XNDC1N: variants seen among roughly 807,000 people sequenced by gnomAD.
XNDC1N encodes protein XNDC1N.
the XNDC1N span, among the ~76,000 whole-genome samples, chr11:71,872,743 G>A: frequency 2.0e-5 from 3 of 152,182 alleles, no homozygotes; most frequent in East Asian, 5.8e-4. Context: ...AACAAAAAAA[G>A]AAATAGGAAT....
At chr11:71,916,500 TA>T in the XNDC1N span, 1 of 466,770 alleles carries the variant, frequency 2.1e-6, no homozygotes, top group South Asian at 3.0e-5. Flanking sequence ...AGTTCCACAC[TA>T]TTCTCAGCAT....
At chr11:71,901,413 A>G in the XNDC1N span, among the ~76,000 whole-genome samples, 3 of 152,002 alleles carry the variant, frequency 2.0e-5, no homozygotes, top group Admixed American at 6.5e-5. Flanking sequence ...CCTGGCCCAC[A>G]TGGTGAAACC....
the XNDC1N span, chr11:71,893,321 G>T: frequency 1.8e-6 from 1 of 541,736 alleles, no homozygotes; most frequent in South Asian, 2.1e-5. Flanking sequence ...TTTTGGAATT[G>T]TCACAACTGA....
chr11:71,928,204 G>C, the XNDC1N span, among the ~76,000 whole-genome samples: 1 of 152,206 alleles, frequency 6.6e-6, no homozygotes, highest in Non-Finnish European at 1.5e-5. Flanking sequence ...GGGTGCCCTG[G>C]AGGTCCCGCA....
the XNDC1N span, among the ~76,000 whole-genome samples, chr11:71,924,583 CAGG>C: frequency 2.0e-5 from 3 of 151,962 alleles, no homozygotes; most frequent in African/African-American, 7.3e-5. Flanking sequence ...GAGGCTGAGG[CAGG>C]AGAATGGCGT....
the XNDC1N span, among the ~76,000 whole-genome samples, chr11:71,907,361 G>A: frequency 6.6e-6 from 1 of 151,640 alleles, no homozygotes; most frequent in Non-Finnish European, 1.5e-5. Flanking sequence ...CGCCCCCCGC[G>A]ATGCGGGGAG....
chr11:71,919,515 G>A, the XNDC1N span, among the ~76,000 whole-genome samples: 2 of 151,700 alleles, frequency 1.3e-5, no homozygotes, highest in East Asian at 1.9e-4. Flanking sequence ...AGCCTCCTGA[G>A]TAGCTGGGAT....
the XNDC1N span, among the ~76,000 whole-genome samples, chr11:71,892,560 T>C: frequency 8.6e-3 from 1,306 of 152,038 alleles, 12 homozygotes; most frequent in African/African-American, 0.03. Context: ...TCAGGAGCAG[T>C]ATCTCCCTAG....
At chr11:71,917,438 C>T in the XNDC1N span, 3 of 639,346 alleles carry the variant, frequency 4.7e-6, no homozygotes, top group African/African-American at 1.8e-5. Flanking sequence ...ATCCTCACCA[C>T]ACAAATCTCA....
chr11:71,868,373 T>C, the XNDC1N span, among the ~76,000 whole-genome samples: 1 of 152,232 alleles, frequency 6.6e-6, no homozygotes, highest in African/African-American at 2.4e-5. Flanking sequence ...TGCTCTATAG[T>C]GTCAATATCT....
At chr11:71,895,694 G>A in the XNDC1N span, among the ~76,000 whole-genome samples, 1 of 152,120 alleles carries the variant, frequency 6.6e-6, no homozygotes, top group Non-Finnish European at 1.5e-5. Flanking sequence ...TTGCTGCTTT[G>A]TTATACACTT....
At chr11:71,914,072 T>C in the XNDC1N span, among the ~76,000 whole-genome samples, 3 of 152,362 alleles carry the variant, frequency 2.0e-5, no homozygotes, top group East Asian at 3.9e-4. Context: ...AATGTTGTTT[T>C]CATGCCTACG....
At chr11:71,919,929 C>CTTCTTTTTT in the XNDC1N span, among the ~76,000 whole-genome samples, 36 of 26,630 alleles carry the variant, frequency 1.4e-3, 1 homozygote, top group East Asian at 5.0e-3. Flanking sequence ...AAGCAGGCCT[C>CTTCTTTTTT]TTTTTTTTTT....
At chr11:71,916,912 A>G in the XNDC1N span, 1 of 157,086 alleles carries the variant, frequency 6.4e-6, no homozygotes, top group Non-Finnish European at 1.4e-5. Flanking sequence ...TTCAGTAAAC[A>G]TTATATGCTA....
At chr11:71,892,750 A>T in the XNDC1N span, among the ~76,000 whole-genome samples, 3 of 151,886 alleles carry the variant, frequency 2.0e-5, no homozygotes, top group African/African-American at 7.3e-5. Flanking sequence ...GGAACTCCTG[A>T]CCTCAGGTGA....
chr11:71,919,535 C>G, the XNDC1N span, among the ~76,000 whole-genome samples: 1 of 151,882 alleles, frequency 6.6e-6, no homozygotes, highest in Non-Finnish European at 1.5e-5. Context: ...TTACAGGTGC[C>G]CACCACCATG....
chr11:71,919,863 C>T, the XNDC1N span, among the ~76,000 whole-genome samples: 1 of 149,308 alleles, frequency 6.7e-6, no homozygotes, highest in Non-Finnish European at 1.5e-5. Flanking sequence ...GTGATCCGCC[C>T]GCCTCGGCCT....
chr11:71,914,136 C>G, the XNDC1N span, among the ~76,000 whole-genome samples: 1 of 152,120 alleles, frequency 6.6e-6, no homozygotes, highest in East Asian at 1.9e-4. Context: ...AACTTTCAAG[C>G]ATTGCTATTT....
At chr11:71,886,910 C>T in the XNDC1N span, among the ~76,000 whole-genome samples, 1 of 152,172 alleles carries the variant, frequency 6.6e-6, no homozygotes, top group Admixed American at 6.5e-5. Context: ...GGGAAAGAAA[C>T]TCAGCTTGGC....
Sources: gnomAD v4.1 joint callset for allele counts (sites outside exome capture counted in the v4.1 genomes callset) on GRCh38, gnomAD v4.1.1 for gene constraint, MANE v1.5 for transcripts, NCBI Gene and HGNC (gene_info 2026-07-23, HGNC 2026-07-21) for gene names.